The following FNDC3A variants were observed in gnomAD, a reference collection of about 807,000 sequenced individuals.
FNDC3A encodes fibronectin type-III domain-containing protein 3A.
In FNDC3A, 32 loss-of-function variants were observed where a neutral mutation model predicts 148.9. That is an observed-to-expected ratio of 0.21 (90% CI 0.16 to 0.29). FNDC3A has a LOEUF of 0.29. FNDC3A is among the 10% of genes least tolerant of loss of function. The pLI, the probability that FNDC3A is intolerant of heterozygous loss-of-function variation, is 1.00. For synonymous variants in FNDC3A, 472 were observed against 473.6 expected (o/e 1.00, Z 0.04); for missense variants, 1,191 against 1,452.8 (o/e 0.82, Z 2.93).
rs181609846 is a variant in FNDC3A at position 49,045,471 on chromosome 13, A to T, written c.100-29818A>T. Reference sequence around the variant, plus strand: ...CCCAGCCAAGATATCTACTTTCATTAAAAAAAAATCCCTGTAGTTTTGGTG... The same window carrying T: ...CCCAGCCAAGATATCTACTTTCATTTAAAAAAAATCCCTGTAGTTTTGGTG... On this transcript the variant is annotated intron_variant, in intron 2 of 25. Transcript: ENST00000492622. 1.2e-3 allele frequency: 217 copies of T among 186,290 alleles called. 1 individual carries two copies. The highest frequency in any genetic ancestry group is 2.0e-4 in the Non-Finnish European group (17 of 85,728). 11.5% of individuals were successfully genotyped at this position (186,290 alleles called of 1,614,324 possible). A position where few individuals can be genotyped will look rare whatever the true frequency, so the allele number is the denominator to read the frequency against.
intron 2 of FNDC3A, among the ~76,000 whole-genome samples, chr13:49,018,511 T>C (rs554075783): frequency 6.4e-4 from 98 of 152,388 alleles, no homozygotes; most frequent in Admixed American, 1.3e-3. Flanking sequence ...TTCTAAACTT[T>C]TTTCAAAGTT....
At chr13:49,041,862 G>C (rs1295293950) in intron 2 of FNDC3A, among the ~76,000 whole-genome samples, 1 of 151,350 alleles carries the variant, frequency 6.6e-6, no homozygotes, top group East Asian at 1.9e-4. Context: ...TATCAGCCAG[G>C]CTCTAAGGTG....
rs191204883 is a variant in FNDC3A at position 49,005,473 on chromosome 13, T to C, written c.-39-679T>C. Among the ~76,000 whole-genome samples the C allele has an allele frequency of 6.0e-5, 9 of 150,434 alleles. No homozygotes were observed. In the East Asian group the frequency reaches 1.6e-3, roughly 26 times the overall value. The stretch of plus-strand genomic sequence containing the variant: ...TTCTTTTTGTATGTGATATTGTGTG[T>C]ACAGTTAAAGATTTGTAAATATATG... On this transcript the variant is annotated intron_variant, in intron 1 of 25. Transcript: ENST00000492622.
chr13:49,190,440 C>G (rs1719956908), intron 17 of FNDC3A, among the ~76,000 whole-genome samples: 1 of 152,082 alleles, frequency 6.6e-6, no homozygotes, highest in Admixed American at 6.6e-5. Flanking sequence ...TTGCTTGAGC[C>G]TAAGAATTTG....
At chr13:49,114,810 A>T (rs551802195) in intron 4 of FNDC3A, 79 bp downstream of exon 4, 69 of 1,016,258 alleles carry the variant, frequency 6.8e-5, no homozygotes, top group East Asian at 9.6e-5. Flanking sequence ...ATTTTGATTT[A>T]AAAAAACCAT....
chr13:49,115,501 G>T (rs1444210392), intron 4 of FNDC3A, among the ~76,000 whole-genome samples: 1 of 152,128 alleles, frequency 6.6e-6, no homozygotes, highest in African/African-American at 2.4e-5. Flanking sequence ...TATTGGGGTG[G>T]ATTTTCTGCA....
At chr13:49,168,553 AC>A in intron 9 of FNDC3A, 59 bp from the exon 10 acceptor site, 1 of 1,279,726 alleles carries the variant, frequency 7.8e-7, no homozygotes, top group Non-Finnish European at 1.1e-6. Context: ...TAAAGGTGAC[AC>A]TATTGAAAAC....
At chr13:49,118,225 C>T (rs1426429478) in intron 4 of FNDC3A, among the ~76,000 whole-genome samples, 1 of 152,188 alleles carries the variant, frequency 6.6e-6, no homozygotes, top group Non-Finnish European at 1.5e-5. Flanking sequence ...CAGGGTGGGG[C>T]ATCGCCTCAC....
At chr13:49,118,028 G>A (rs933039002) in intron 4 of FNDC3A, among the ~76,000 whole-genome samples, 2 of 152,180 alleles carry the variant, frequency 1.3e-5, no homozygotes, top group Non-Finnish European at 2.9e-5. Context: ...ATTATGTGAG[G>A]TTAGTGGGCT....
In FNDC3A at chr13:49,075,315, A is replaced by T; in HGVS notation, c.126A>T (p.Gly42=). ...TTATTCTGGTACAAGTTAACCCAGG[A>T]GAAGCATTTACAATAAGAAGAGAAG... ...QQVILVQVNP[G]EAFTIRREDG... is the part of the protein sequence containing the mutation. Residue 42 remains glycine, a synonymous_variant, in exon 3 of 26, where the codon GGA becomes GGT. Transcript: ENST00000492622. The T allele has an allele frequency of 1.2e-6, 2 of 1,603,596 alleles. No individual in the cohort carries two copies. Among genetic ancestry groups the T allele is most frequent in the South Asian group, 2.2e-5 (2 of 90,708 alleles).
intron 8 of FNDC3A, chr13:49,146,831 T>G (rs1296205028): frequency 1.3e-5 from 2 of 152,236 alleles, no homozygotes. Flanking sequence ...TTGAAATAAA[T>G]TATTCTGTCC....
chr13:49,023,020 T>A (rs1873443590), intron 2 of FNDC3A, among the ~76,000 whole-genome samples: 1 of 152,048 alleles, frequency 6.6e-6, no homozygotes, highest in South Asian at 2.1e-4. Context: ...TGGAAAAAAA[T>A]TAACTTCACA....
At chr13:49,136,711 T>C in intron 6 of FNDC3A, 110 bp downstream of exon 6, 1 of 1,055,136 alleles carries the variant, frequency 9.5e-7, no homozygotes. Context: ...AAATAGACTG[T>C]TACAGGCTGC....
At chr13:49,032,622 G>C (rs980698500) in intron 2 of FNDC3A, among the ~76,000 whole-genome samples, 5 of 152,136 alleles carry the variant, frequency 3.3e-5, no homozygotes, top group Non-Finnish European at 7.3e-5. Context: ...TGTGGTCCCA[G>C]CTACTCGGGA....
At chr13:49,189,646 G>A (rs1306443173) in intron 17 of FNDC3A, among the ~76,000 whole-genome samples, 1 of 152,074 alleles carries the variant, frequency 6.6e-6, no homozygotes, top group East Asian at 1.9e-4. Flanking sequence ...GCAACTGAGT[G>A]TGAGTCCTGC....
chr13:49,021,288 C>A (rs1481419498), intron 2 of FNDC3A, among the ~76,000 whole-genome samples: 3 of 152,154 alleles, frequency 2.0e-5, no homozygotes, highest in African/African-American at 7.2e-5. Context: ...CTATTGTTAT[C>A]CTCACCACAA....
At chr13:48,995,642 A>G in intron 1 of FNDC3A, among the ~76,000 whole-genome samples, 1 of 152,306 alleles carries the variant, frequency 6.6e-6, no homozygotes, top group East Asian at 1.9e-4. Context: ...ACATTAACAT[A>G]TGGACATTTA....
chr13:49,129,599 A>G (rs957128672), intron 4 of FNDC3A, among the ~76,000 whole-genome samples: 13 of 152,178 alleles, frequency 8.5e-5, no homozygotes, highest in Admixed American at 7.9e-4. Flanking sequence ...GTAGGGTTCT[A>G]GATATTGTTT....
chr13:49,105,453 A>T (rs113955654), intron 3 of FNDC3A, among the ~76,000 whole-genome samples: 1,819 of 152,310 alleles, frequency 0.012, 19 homozygotes, highest in Non-Finnish European at 0.018. Context: ...TTCTCTATCT[A>T]CTTTAATTCC....
Sources: gnomAD v4.1 joint callset for allele counts (sites outside exome capture counted in the v4.1 genomes callset) on GRCh38, gnomAD v4.1.1 for gene constraint, MANE v1.5 for transcripts, NCBI Gene and HGNC (gene_info 2026-07-23, HGNC 2026-07-21) for gene names.